TDRD3: variants seen among roughly 807,000 people sequenced by gnomAD.
TDRD3 encodes the protein tudor domain-containing protein 3.
Under a neutral mutation model 86.7 loss-of-function variants are expected in TDRD3, and 45 were observed. That is an observed-to-expected ratio of 0.52 (90% CI 0.41 to 0.67). The LOEUF (loss-of-function observed/expected upper bound fraction) is 0.67, where lower values mean the gene tolerates loss of function less well. Ranked by LOEUF, TDRD3 falls within the 30% of genes least tolerant of loss-of-function variation. TDRD3 has a pLI of 0.00. For synonymous variants in TDRD3, 298 were observed against 301.7 expected, an observed-to-expected ratio of 0.99 and a Z score of 0.13; for missense variants, 814 against 889.0, an observed-to-expected ratio of 0.92 and a Z score of 1.07.
chr13:60,557,851 G>C (rs889733507), intron 12 of TDRD3, among the ~76,000 whole-genome samples: 4 of 90,930 alleles, frequency 4.4e-5, no homozygotes, highest in African/African-American at 1.5e-4. Flanking sequence ...TTGAGACAGA[G>C]TCTCGCTCTG....
chr13:60,507,716 A>G (rs1447754551), intron 8 of TDRD3, among the ~76,000 whole-genome samples: 1 of 152,244 alleles, frequency 6.6e-6, no homozygotes, highest in Admixed American at 6.5e-5. Flanking sequence ...CTGGCACAAG[A>G]CAAGGATGCC....
chr13:60,567,756 T>A (rs1395028616), intron 13 of TDRD3, 106 bp downstream of exon 13: 3 of 1,433,006 alleles, frequency 2.1e-6, no homozygotes, highest in Non-Finnish European at 2.8e-6. Flanking sequence ...GAAGTTTCAC[T>A]CTTGTTGCCC....
intron 1 of TDRD3, among the ~76,000 whole-genome samples, chr13:60,421,211 A>G (rs1326615983): frequency 6.6e-6 from 1 of 152,166 alleles, no homozygotes; most frequent in Non-Finnish European, 1.5e-5. Context: ...AAGAGGTTTA[A>G]TGGACTCACA....
Position 60,510,635 on chromosome 13 carries a change from G to A in TDRD3, c.1021G>A (p.Gly341Arg), listed in dbSNP as rs772328765. The A allele has an allele frequency of 3.8e-6, 6 of 1,597,410 alleles. No homozygotes were observed. The highest frequency in any genetic ancestry group is 3.4e-5 in the South Asian group (3 of 87,012). The change falls in exon 10 of 14, where the codon GGA (glycine) becomes AGA (arginine). Residue 341 changes from glycine to arginine, a missense_variant. Gly to Arg is a moderately radical substitution (Grantham distance 125). Coordinates refer to ENST00000377881, the MANE Select transcript of TDRD3 (RefSeq NM_001146070.2). The part of the protein sequence containing the change: ...PVMGPPLRGR[G>R]KGRGRIRSED... ...TCTTGCTTTTGCATCTAAAGGTAGA[G>A]GAAAAGGCAGGGGGCGAATAAGATC...
Position 60,504,634 on chromosome 13 carries a change from C to T in TDRD3, c.859-5129C>T, listed in dbSNP as rs561849700. 5.1e-4 allele frequency among the ~76,000 whole-genome samples: 78 copies of T among 152,266 alleles called. 2 individuals are homozygous for T. The highest frequency in any genetic ancestry group is 1.8e-3 in the African/African-American group (73 of 41,538). ...TCTTTCCTTAAAAAAATATTTGATT[C>T]GGTGGTGGCTGGCAAGATGGCTGAA... On this transcript the variant is annotated intron_variant, in intron 8 of 13. Transcript: ENST00000377881.
intron 1 of TDRD3, among the ~76,000 whole-genome samples, chr13:60,424,044 T>G (rs555311580): frequency 6.6e-6 from 1 of 152,190 alleles, no homozygotes; most frequent in South Asian, 2.1e-4. Context: ...TTTTTTGAGA[T>G]GGAGTCTTAC....
At chr13:60,418,751 C>A (rs1323466216) in intron 1 of TDRD3, among the ~76,000 whole-genome samples, 1 of 152,152 alleles carries the variant, frequency 6.6e-6, no homozygotes, top group African/African-American at 2.4e-5. Context: ...CTTCTGTGCC[C>A]ACAGATAGTC....
At chr13:60,442,101 A>T (rs1462633571) in intron 2 of TDRD3, among the ~76,000 whole-genome samples, 1 of 152,116 alleles carries the variant, frequency 6.6e-6, no homozygotes, top group African/African-American at 2.4e-5. Context: ...TTTTATGTTG[A>T]AAAGGAATGT....
At chr13:60,558,872 T>C (rs948845370) in intron 12 of TDRD3, among the ~76,000 whole-genome samples, 2 of 152,040 alleles carry the variant, frequency 1.3e-5, no homozygotes, top group Non-Finnish European at 2.9e-5. Flanking sequence ...TTGTGAATAG[T>C]TTTTGAACTT....
chr13:60,476,962 T>G (rs890232205), intron 5 of TDRD3, among the ~76,000 whole-genome samples: 1 of 152,058 alleles, frequency 6.6e-6, no homozygotes, highest in Non-Finnish European at 1.5e-5. Flanking sequence ...GTGGAGTCTG[T>G]GGGGTTTTCT....
chr13:60,396,124 C>T (rs373531557), upstream of TDRD3, among the ~76,000 whole-genome samples: 1 of 152,180 alleles, frequency 6.6e-6, no homozygotes, highest in African/African-American at 2.4e-5. Context: ...CTGCCCAGTT[C>T]CGCAGTCTCT....
chr13:60,426,046 C>T lies in TDRD3; in HGVS notation c.42-13642C>T, dbSNP rs1954795692. Among the ~76,000 whole-genome samples, 3 of 152,070 alleles carry T rather than the reference C, an allele frequency of 2.0e-5. No homozygotes were observed. The South Asian group carries it at 6.2e-4, about 32-fold the overall frequency. ...TGTGCAGGGGTTGGTGCTGCTAACA[C>T]CCGAGTTCAAGGGTGACTTGTATTT... is the stretch of plus-strand genomic sequence containing the variant. On this transcript the variant is annotated intron_variant, in intron 1 of 13. Transcript: ENST00000377881.
rs536959481 is a variant in TDRD3, at chr13:60,535,134, C to T, written c.2019C>T (p.Leu673=). 3 of 1,613,852 alleles carry T rather than the reference C, an allele frequency of 1.9e-6. No homozygotes were observed. The highest frequency in any genetic ancestry group is 2.5e-6 in the Non-Finnish European group (3 of 1,179,872). Residue 673 remains leucine, a synonymous_variant, in exon 12 of 14, where the codon CTC becomes CTT. Transcript: ENST00000377881. ...NKFYRAEVEA[L]HSSGMTAVVK... ...TTTACCGGGCAGAAGTTGAAGCCCT[C>T]CATTCTTCGGGTATGACAGCAGTTG...
chr13:60,510,491 C>A (rs1034135334), intron 9 of TDRD3, 139 bp from the exon 10 acceptor site: 1 of 892,540 alleles, frequency 1.1e-6, no homozygotes. Flanking sequence ...AAAAAAATTA[C>A]TTAAAAGATG....
chr13:60,426,574 G>T (rs1954815285), intron 1 of TDRD3, among the ~76,000 whole-genome samples: 1 of 152,090 alleles, frequency 6.6e-6, no homozygotes, highest in South Asian at 2.1e-4. Context: ...GAGACACTTT[G>T]CAAATAATTC....
Position 60,483,792 on chromosome 13 carries a change from T to C in TDRD3, c.513T>C (p.Asn171=). The C allele has an allele frequency of 6.2e-7, 1 of 1,612,744 alleles. No individual in the cohort carries two copies. The highest frequency in any genetic ancestry group is 8.5e-7 in the Non-Finnish European group (1 of 1,179,300). ...WELQRSLSKH[N]RSNIGTEGGP... is the part of the protein sequence containing the mutation. ...TTCCGCAGAGCTTATCAAAACACAA[T>C]AGAAGCAATATTGGAACTGAAGGTG... The change falls in exon 6 of 14, where the codon AAT becomes AAC. Residue 171 remains asparagine, a synonymous_variant. Transcript: ENST00000377881.
At chr13:60,537,356 A>AAC (rs1322703440) in intron 12 of TDRD3, 2 of 152,042 alleles carry the variant, frequency 1.3e-5, no homozygotes, top group Non-Finnish European at 2.9e-5. Flanking sequence ...CCACCAGCTT[A>AAC]ACATATCTCA....
intron 12 of TDRD3, among the ~76,000 whole-genome samples, chr13:60,545,712 C>A (rs1957924160): frequency 6.6e-6 from 1 of 151,854 alleles, no homozygotes; most frequent in South Asian, 2.1e-4. Context: ...ATGAATTTGA[C>A]CATCAGTACC....
chr13:60,432,703 A>G (rs941325624), intron 1 of TDRD3, among the ~76,000 whole-genome samples: 4 of 152,190 alleles, frequency 2.6e-5, no homozygotes, highest in Non-Finnish European at 5.9e-5. Flanking sequence ...TAGGTCAGTT[A>G]CTTCCATATT....
Sources: gnomAD v4.1 joint callset for allele counts (sites outside exome capture counted in the v4.1 genomes callset) on GRCh38, gnomAD v4.1.1 for gene constraint, MANE v1.5 for transcripts, NCBI Gene and HGNC (gene_info 2026-07-23, HGNC 2026-07-21) for gene names.